DHX38: variants seen among roughly 807,000 people sequenced by gnomAD.
The protein encoded by DHX38 is DEAH-box helicase 38, also known as pre-mRNA-splicing factor ATP-dependent RNA helicase PRP16.
In DHX38, 100 loss-of-function variants were observed where a neutral mutation model predicts 153.1. The observed-to-expected ratio is 0.65, with a 90% CI of 0.56 to 0.77. The LOEUF is 0.77. DHX38 is among the 30% of genes least tolerant of loss of function. The probability of loss-of-function intolerance (pLI) is 0.00; values close to 1 mark genes in which losing one functional copy is unlikely to be tolerated. For missense variants in DHX38, 1,440 were observed against 1,654.0 expected, an observed-to-expected ratio of 0.87 and a Z score of 2.24; for synonymous variants, 650 against 631.7, an observed-to-expected ratio of 1.03 and a Z score of -0.43.
chr16:72,096,321 C>T lies in DHX38; in HGVS notation c.164C>T (p.Ala55Val). Residue 55 changes from alanine (A) to valine (V), a missense_variant, in exon 2 of 27, where the codon GCT becomes GTT. This residue lies in a region of DHX38 where 483 missense variants were observed against 465.1 expected (regional missense o/e 1.04). Coordinates refer to ENST00000268482, the MANE Select transcript of DHX38 (RefSeq NM_014003.4). ...TCATTACTCGGACTGGACTTGCTGG[C>T]TTCCCTGAAACGGAGAGAGCGAGAG... ...RPSLLGLDLL[A>V]SLKRREREEK... 6.2e-7 allele frequency: 1 copy of T among 1,614,188 alleles called. No individual in the cohort carries two copies. The highest frequency in any genetic ancestry group is 1.3e-5 in the African/African-American group (1 of 75,038).
In DHX38 at chr16:72,104,375, G is replaced by T; in HGVS notation, c.2011-111G>T. On this transcript the variant is annotated intron_variant, in intron 14 of 26. Coordinates refer to ENST00000268482, the MANE Select transcript of DHX38 (RefSeq NM_014003.4). This position sits in a 1 kb window ranked among gnomAD's most constrained non-coding sequence, Gnocchi z 4.5. ...TTCATGATTGGTAAGAATTGAATAGGCCCATTTGTCAGCTTTGGCTTGTGT... is the reference window on the plus strand; with the variant it reads ...TTCATGATTGGTAAGAATTGAATAGTCCCATTTGTCAGCTTTGGCTTGTGT... 1 of 1,437,216 alleles carries T rather than the reference G, an allele frequency of 7.0e-7. No homozygotes were observed. The allele number at this position is 1,437,216 out of a possible 1,614,324, so 89.0% of individuals were successfully genotyped here.
rs746488775 is a variant in DHX38, at chr16:72,103,767, G to A, written c.1803G>A (p.Met601Ile). ...TGGCCAAGAGAGTCAGTGAAGAGAT[G>A]GGGGGAAACCTTGGCGAGGAGGTGA... ...MSVAKRVSEE[M>I]GGNLGEEVGY... The change falls in exon 13 of 27, where the codon ATG (methionine) becomes ATA (isoleucine). Residue 601 changes from methionine (M) to isoleucine (I), a missense_variant. Coordinates refer to ENST00000268482, the MANE Select transcript of DHX38 (RefSeq NM_014003.4). The A allele has an allele frequency of 3.1e-6, 5 of 1,612,526 alleles. No homozygotes were observed. Among genetic ancestry groups the A allele is most frequent in the East Asian group, 2.2e-5 (1 of 44,826 alleles).
At chr16:72,100,056 A>C (rs1447960193) in intron 8 of DHX38, among the ~76,000 whole-genome samples, 169 bp downstream of exon 8, 1 of 152,116 alleles carries the variant, frequency 6.6e-6, no homozygotes, top group Non-Finnish European at 1.5e-5. Flanking sequence ...TTAGTAGCTT[A>C]AGGAAAGCCC....
At chr16:72,099,671 C>T (rs2042071981) in intron 7 of DHX38, 61 bp from the exon 8 acceptor site, 18 of 1,596,244 alleles carry the variant, frequency 1.1e-5, no homozygotes, top group Non-Finnish European at 1.4e-5. Flanking sequence ...TTCTGTTGGC[C>T]ATGTCTCGTG....
intron 1 of DHX38, among the ~76,000 whole-genome samples, chr16:72,095,894 G>GGTGT (rs67109934): frequency 0.055 from 8,079 of 147,192 alleles, 276 homozygotes; most frequent in Non-Finnish European, 0.074. Flanking sequence ...GAATGTATGG[G>GGTGT]GTGTGTGTGT....
chr16:72,099,687 A>G, intron 7 of DHX38, 45 bp from the exon 8 acceptor site: 1 of 1,609,040 alleles, frequency 6.2e-7, no homozygotes, highest in Non-Finnish European at 8.5e-7. Flanking sequence ...TCGTGCATAA[A>G]CTTGATCTGT....
rs568964364 is a variant in DHX38 at position 72,104,372 on chromosome 16, T to C, written c.2011-114T>C. ...GTCTTCATGATTGGTAAGAATTGAA[T>C]AGGCCCATTTGTCAGCTTTGGCTTG... On this transcript the variant is annotated intron_variant, in intron 14 of 26. Transcript: ENST00000268482. The surrounding 1 kb of genome is among the most constrained non-coding windows in gnomAD (Gnocchi z 4.5). 1 of 1,422,706 alleles carries C rather than the reference T, an allele frequency of 7.0e-7. No individual in the cohort carries two copies. The highest frequency in any genetic ancestry group is 2.4e-5 in the East Asian group (1 of 41,546). 88.1% of individuals were successfully genotyped at this position (1,422,706 alleles called of 1,614,324 possible).
intron 24 of DHX38, 62 bp downstream of exon 24, chr16:72,108,987 C>A (rs745793021): frequency 5.4e-4 from 823 of 1,531,904 alleles, no homozygotes; most frequent in Non-Finnish European, 7.0e-4. Context: ...CTTTGAAACC[C>A]TTCACTGCGT....
intron 26 of DHX38, chr16:72,112,152 T>C: frequency 2.0e-6 from 1 of 510,142 alleles, no homozygotes; most frequent in Non-Finnish European, 3.5e-6. Context: ...GGAAGCTGCT[T>C]TTGTAGCTCC....
chr16:72,105,636 C>T lies in DHX38; in HGVS notation c.2487+12C>T. On this transcript the variant is annotated intron_variant, in intron 18 of 26. Coordinates refer to ENST00000268482, the MANE Select transcript of DHX38 (RefSeq NM_014003.4). ...ATTGCAAATTAAAGGTAAGAGAAGA[C>T]ATGGGAGGCAAGGCCTGGGTGTTCA... The T allele has an allele frequency of 1.9e-6, 3 of 1,613,524 alleles. No individual in the cohort carries two copies. The highest frequency in any genetic ancestry group is 2.5e-6 in the Non-Finnish European group (3 of 1,179,482).
At chr16:72,105,440 A>AG in intron 17 of DHX38, 77 bp from the exon 18 acceptor site, 15 of 1,600,492 alleles carry the variant, frequency 9.4e-6, no homozygotes, top group Non-Finnish European at 1.1e-5. Flanking sequence ...GTGGGCTAGG[A>AG]GGTAGGCTTT....
rs2074626 is a variant in DHX38, at chr16:72,105,285, C to A, written c.2316C>A (p.Ala772=). Residue 772 remains alanine (A), a synonymous_variant, in exon 17 of 27, where the codon GCC becomes GCA. Coordinates refer to ENST00000268482, the MANE Select transcript of DHX38 (RefSeq NM_014003.4). ...TGGAGGAACTGGAGAACGCGCCTGCCCTGGCTGTGCTGCCCATCTACTCTC... is the reference window on the plus strand; with the variant it reads ...TGGAGGAACTGGAGAACGCGCCTGCACTGGCTGTGCTGCCCATCTACTCTC... ...EHLEELENAP[A]LAVLPIYSQL... The A allele has an allele frequency of 0.38, 607,106 of 1,613,778 alleles. 120,519 individuals carry two copies. Among genetic ancestry groups the A allele is most frequent in the African/African-American group, 0.71 (53,459 of 74,938 alleles).
rs1257535071 is a variant in DHX38, at chr16:72,098,719, G to C, written c.691G>C (p.Glu231Gln). 1 of 1,613,708 alleles carries C rather than the reference G, an allele frequency of 6.2e-7. No homozygotes were observed. The highest frequency in any genetic ancestry group is 1.3e-5 in the African/African-American group (1 of 74,830). ...TGGCTCCTCAAGGCGCTCACAGTGG[G>C]AATCGCCCTCCCCGACGCCTTCCTA... ...GYGSSRRSQW[E>Q]SPSPTPSYRD... The change falls in exon 5 of 27, where the codon GAA becomes CAA. Residue 231 changes from glutamate to glutamine, a missense_variant. Around this residue, in one of 6 missense-constraint regions of DHX38, gnomAD observed 483 missense variants for 465.1 expected, o/e 1.04. Coordinates refer to ENST00000268482, the MANE Select transcript of DHX38 (RefSeq NM_014003.4).
At chr16:72,100,930 C>CA (rs1372417497) in intron 9 of DHX38, among the ~76,000 whole-genome samples, 156 bp from the exon 10 acceptor site, 5 of 151,956 alleles carry the variant, frequency 3.3e-5, no homozygotes, top group African/African-American at 1.2e-4. Flanking sequence ...CTGTCTCACA[C>CA]ACAAAAAAGG....
rs2042015388 is a variant in DHX38 at position 72,096,200 on chromosome 16, G to C, written c.43G>C (p.Gly15Arg). The change falls in exon 2 of 27, where the codon GGC (glycine) becomes CGC (arginine). Residue 15 changes from glycine (G) to arginine (R), a missense_variant. Coordinates refer to ENST00000268482, the MANE Select transcript of DHX38 (RefSeq NM_014003.4). ...GGATGCCTCGATCCATCGATTGGAA[G>C]GCACTGATCTGGACTGTCAGGTTGG... ...SEDASIHRLE[G>R]TDLDCQVGGL... 1 of 1,610,644 alleles carries C rather than the reference G, an allele frequency of 6.2e-7. No homozygotes were observed. The highest frequency in any genetic ancestry group is 8.5e-7 in the Non-Finnish European group (1 of 1,177,062).
At position 72,107,749 on chromosome 16, in the gene DHX38, C is replaced by G; in HGVS notation, c.2914C>G (p.Leu972Val). Residue 972 changes from leucine (L) to valine (V), a missense_variant, in exon 21 of 27, where the codon CTG becomes GTG. Physicochemically the swap from Leu to Val is conservative, Grantham distance 32 (BLOSUM62 1). Transcript: ENST00000268482. The surrounding 1 kb of genome is among the most constrained non-coding windows in gnomAD (Gnocchi z 5.3). ...TGACATGGGCTGCAGCTCCGAGATC[C>G]TGCTCATCGTTTCCATGCTCTCGGT... ...SCDMGCSSEILLIVSMLSVPA... is the reference protein window; with the variant it reads ...SCDMGCSSEIVLIVSMLSVPA... The G allele has an allele frequency of 1.2e-6, 2 of 1,614,156 alleles. No homozygotes were observed. Among genetic ancestry groups the G allele is most frequent in the Non-Finnish European group, 1.7e-6 (2 of 1,180,036 alleles).
At chr16:72,106,317 C>CT (rs2042176116) in intron 19 of DHX38, among the ~76,000 whole-genome samples, 200 bp downstream of exon 19, 1 of 152,238 alleles carries the variant, frequency 6.6e-6, no homozygotes, top group Non-Finnish European at 1.5e-5. Context: ...TTTCAGAGGT[C>CT]TGAGGCCAAC....
rs759235532 is a variant in DHX38, at chr16:72,105,624, G to A, written c.2487G>A (p.Lys829=). Reference sequence around the variant, plus strand: ...TCGATTCTGGTTATTGCAAATTAAAGGTAAGAGAAGACATGGGAGGCAAGG... The same window carrying A: ...TCGATTCTGGTTATTGCAAATTAAAAGTAAGAGAAGACATGGGAGGCAAGG... ...FVIDSGYCKL[K]VFNPRIGMDA... The change falls in exon 18 of 27, where the codon AAG becomes AAA. Residue 829 remains lysine (K), a splice_region_variant and synonymous_variant. Coordinates refer to ENST00000268482, the MANE Select transcript of DHX38 (RefSeq NM_014003.4). The A allele has an allele frequency of 2.5e-6, 4 of 1,614,150 alleles. No homozygotes were observed. The highest frequency in any genetic ancestry group is 1.1e-5 in the South Asian group (1 of 91,078).
At position 72,103,586 on chromosome 16, in the gene DHX38, C is replaced by T; in HGVS notation, c.1638-16C>T. On this transcript the variant is annotated splice_polypyrimidine_tract_variant and intron_variant, in intron 12 of 26. Transcript: ENST00000268482. ...CCACTTCGGCTGATAAGCCCTTTGCCTGCTTGTCCTTGTAGAGACAACAGC... is the reference window on the plus strand; with the variant it reads ...CCACTTCGGCTGATAAGCCCTTTGCTTGCTTGTCCTTGTAGAGACAACAGC... The T allele has an allele frequency of 6.3e-7, 1 of 1,595,146 alleles. No homozygotes were observed. The highest frequency in any genetic ancestry group is 8.6e-7 in the Non-Finnish European group (1 of 1,164,328).
Sources: gnomAD v4.1 joint callset for allele counts (sites outside exome capture counted in the v4.1 genomes callset) on GRCh38, gnomAD v4.1.1 for gene constraint, gnomAD v4.1.1 regional missense constraint, Gnocchi (gnomAD v3.1) non-coding constraint, MANE v1.5 for transcripts, NCBI Gene and HGNC (gene_info 2026-07-23, HGNC 2026-07-21) for gene names.